Variants in RARB observed in about 807,000 individuals in gnomAD.
The protein encoded by RARB is retinoic acid receptor beta.
A neutral mutation model predicts 51.9 loss-of-function variants in RARB; 17 were observed. That is an observed-to-expected ratio of 0.33 (90% CI 0.22 to 0.49). The LOEUF (loss-of-function observed/expected upper bound fraction) is 0.49. Among genes scored for constraint, RARB ranks in the 20% least tolerant of loss-of-function variants. RARB has a pLI of 0.99. For synonymous variants in RARB, 215 were observed against 195.4 expected (o/e 1.10, Z -0.84); for missense variants, 369 against 550.8 (o/e 0.67, Z 3.30).
At chr3:25,133,644 G>A (rs1471904407) in intron 4 of RARB, among the ~76,000 whole-genome samples, 1 of 151,852 alleles carries the variant, frequency 6.6e-6, no homozygotes, top group African/African-American at 2.4e-5. Context: ...TCTTTAAAAT[G>A]TGTTTTCTGT....
intron 3 of RARB, among the ~76,000 whole-genome samples, chr3:25,529,661 T>A (rs1153602): frequency 0.49 from 74,394 of 151,880 alleles, 22,145 homozygotes; most frequent in African/African-American, 0.83. Flanking sequence ...TTCGGGGGTG[T>A]TGGAACTATT....
At position 25,053,557 on chromosome 3, in the gene RARB, A is replaced by G. The variant is rs1024336867; in HGVS notation, c.-379-6568A>G. 3.9e-5 allele frequency among the ~76,000 whole-genome samples: 6 copies of G among 152,320 alleles called. No individual in the cohort carries two copies. In the East Asian group the frequency reaches 1.2e-3, roughly 29 times the overall value. ...TTGAACTTTGGTTTAAAAAAGTCAG[A>G]TGTCCTTTCCTCTAGGCATCTGTAA... On this transcript the variant is annotated intron_variant, in intron 2 of 11. Transcript: ENST00000383772.
At chr3:25,475,489 T>C (rs1695902855) in intron 2 of RARB, among the ~76,000 whole-genome samples, 1 of 152,222 alleles carries the variant, frequency 6.6e-6, no homozygotes, top group African/African-American at 2.4e-5. Flanking sequence ...AGTAACTTAT[T>C]TTAAATAATA....
At chr3:25,363,074 C>T (rs73156056) in intron 5 of RARB, among the ~76,000 whole-genome samples, 7,094 of 152,174 alleles carry the variant, frequency 0.047, 174 homozygotes, top group Middle Eastern at 0.071. Flanking sequence ...TCAACCTAAC[C>T]CATATGTTTT....
chr3:25,487,125 G>C (rs1187658859), intron 2 of RARB, among the ~76,000 whole-genome samples: 1 of 152,134 alleles, frequency 6.6e-6, no homozygotes, highest in African/African-American at 2.4e-5. Context: ...GATGCAGTCA[G>C]CTAACAGCTT....
At chr3:25,253,082 G>A (rs1295452306) in intron 5 of RARB, among the ~76,000 whole-genome samples, 1 of 152,166 alleles carries the variant, frequency 6.6e-6, no homozygotes, top group Non-Finnish European at 1.5e-5. Flanking sequence ...CATGTGGGAG[G>A]TAGATGATAG....
At chr3:25,091,509 A>G (rs766220775) in intron 3 of RARB, among the ~76,000 whole-genome samples, 1 of 152,158 alleles carries the variant, frequency 6.6e-6, no homozygotes, top group African/African-American at 2.4e-5. Context: ...CCTTCTACGG[A>G]ATCCACCATC....
chr3:24,954,216 C>T (rs1373909767), intron 2 of RARB, among the ~76,000 whole-genome samples: 1 of 152,142 alleles, frequency 6.6e-6, no homozygotes, highest in Non-Finnish European at 1.5e-5. Context: ...ACAATTTCAG[C>T]AAATACATAT....
chr3:25,127,327 ACTC>A (rs1267610953), intron 3 of RARB, among the ~76,000 whole-genome samples: 1 of 151,650 alleles, frequency 6.6e-6, no homozygotes, highest in Non-Finnish European at 1.5e-5. Context: ...CCTTCTATCA[ACTC>A]CTTGAACTCA....
chr3:25,082,494 A>G (rs767132501), intron 3 of RARB, among the ~76,000 whole-genome samples: 1 of 151,870 alleles, frequency 6.6e-6, no homozygotes, highest in Non-Finnish European at 1.5e-5. Flanking sequence ...ATGTTAGCCT[A>G]TTTTGATTTA....
chr3:25,197,357 T>C (rs1214616497), intron 5 of RARB, among the ~76,000 whole-genome samples: 1 of 152,112 alleles, frequency 6.6e-6, no homozygotes, highest in Non-Finnish European at 1.5e-5. Flanking sequence ...GTCAGGTTTG[T>C]CAAAGATCAG....
At chr3:25,349,691 C>G (rs1384106719) in intron 5 of RARB, among the ~76,000 whole-genome samples, 2 of 152,122 alleles carry the variant, frequency 1.3e-5, no homozygotes, top group African/African-American at 4.8e-5. Context: ...CAAAGTTGTA[C>G]ATTTAAAAGT....
chr3:25,404,146 C>T (rs191211099), intron 5 of RARB, among the ~76,000 whole-genome samples: 54 of 152,256 alleles, frequency 3.5e-4, no homozygotes, highest in East Asian at 2.3e-3. Flanking sequence ...TATTTGTCAA[C>T]GTGTCAGTAG....
At chr3:25,042,273 G>A (rs1698129376) in intron 2 of RARB, among the ~76,000 whole-genome samples, 1 of 152,154 alleles carries the variant, frequency 6.6e-6, no homozygotes, top group Admixed American at 6.5e-5. Flanking sequence ...TTCATCAACA[G>A]GTCTACTAAT....
chr3:25,248,076 T>C (rs1435866437), intron 5 of RARB, among the ~76,000 whole-genome samples: 1 of 152,180 alleles, frequency 6.6e-6, no homozygotes, highest in African/African-American at 2.4e-5. Context: ...GAATATATGG[T>C]TCAGGATTTT....
intron 5 of RARB, among the ~76,000 whole-genome samples, chr3:25,245,225 T>C (rs1196051727): frequency 6.6e-6 from 1 of 152,218 alleles, no homozygotes; most frequent in African/African-American, 2.4e-5. Flanking sequence ...GTCTCCTGAA[T>C]ACACCACACA....
rs181048948 is a variant in RARB, at chr3:25,312,571, A to C, written c.178+137996A>C. On this transcript the variant is annotated intron_variant, in intron 5 of 11. Coordinates refer to the RARB transcript ENST00000383772. ...AGAGGTATAGTAATGTAATTTAGTG[A>C]GTGAGAGCTCACTCTGGAGCAGACA... is the stretch of plus-strand genomic sequence containing the variant. Among the ~76,000 whole-genome samples the C allele has an allele frequency of 2.6e-3, 394 of 152,320 alleles. 3 individuals carry two copies. The highest frequency in any genetic ancestry group is 8.9e-3 in the African/African-American group (368 of 41,562).
At chr3:25,323,680 C>T (rs1188481555) in intron 5 of RARB, among the ~76,000 whole-genome samples, 4 of 152,118 alleles carry the variant, frequency 2.6e-5, no homozygotes, top group African/African-American at 9.7e-5. Context: ...CCACACTGTC[C>T]TAGATAATGA....
At chr3:24,934,521 A>G (rs1489646132) in intron 2 of RARB, among the ~76,000 whole-genome samples, 1 of 152,142 alleles carries the variant, frequency 6.6e-6, no homozygotes, top group Non-Finnish European at 1.5e-5. Flanking sequence ...TATAAATTAT[A>G]TAAGAATAAG....
Sources: gnomAD v4.1 joint callset for allele counts (sites outside exome capture counted in the v4.1 genomes callset) on GRCh38, gnomAD v4.1.1 for gene constraint, MANE v1.5 for transcripts, NCBI Gene and HGNC (gene_info 2026-07-23, HGNC 2026-07-21) for gene names.